IFT52: variants seen among roughly 807,000 people sequenced by gnomAD.
The protein encoded by IFT52 is intraflagellar transport 52, also known as intraflagellar transport protein 52 homolog.
IFT52 carries 44 observed loss-of-function variants against 54.4 expected under a neutral mutation model. The observed-to-expected ratio is 0.81, with a 90% CI of 0.63 to 1.04. IFT52 has a LOEUF of 1.04. IFT52 is among the 50% of genes least tolerant of loss of function. IFT52 has a pLI of 0.00. For synonymous variants in IFT52, 181 were observed against 185.3 expected (o/e 0.98, Z 0.19); for missense variants, 452 against 523.6 (o/e 0.86, Z 1.33).
At chr20:43,638,140 A>G (rs1460865988) in intron 12 of IFT52, among the ~76,000 whole-genome samples, 1 of 151,788 alleles carries the variant, frequency 6.6e-6, no homozygotes, top group Non-Finnish European at 1.5e-5. Context: ...AAAATTAACC[A>G]TCCACTTTGA....
intron 9 of IFT52, 92 bp downstream of exon 9, chr20:43,621,017 C>G: frequency 1.2e-6 from 1 of 866,594 alleles, no homozygotes; most frequent in Non-Finnish European, 1.9e-6. Flanking sequence ...ACATGACTGT[C>G]TTAACTCATC....
At chr20:43,606,160 G>C (rs1292652274) in intron 6 of IFT52, among the ~76,000 whole-genome samples, 1 of 151,416 alleles carries the variant, frequency 6.6e-6, no homozygotes, top group African/African-American at 2.4e-5. Flanking sequence ...GGTGGAGGTT[G>C]CATTGAGCTG....
At chr20:43,623,864 T>C in intron 9 of IFT52, 27 bp from the exon 10 acceptor site, 1 of 1,611,250 alleles carries the variant, frequency 6.2e-7, no homozygotes. Context: ...CTTGCTGTGC[T>C]AAAAGGAACC....
intron 6 of IFT52, among the ~76,000 whole-genome samples, chr20:43,607,823 C>G (rs1320461463): frequency 6.6e-6 from 1 of 152,072 alleles, no homozygotes; most frequent in Non-Finnish European, 1.5e-5. Context: ...TGTAGCGAGC[C>G]GAGATCACGC....
chr20:43,630,592 T>G (rs1189393217), intron 10 of IFT52, among the ~76,000 whole-genome samples: 1 of 152,206 alleles, frequency 6.6e-6, no homozygotes, highest in Non-Finnish European at 1.5e-5. Flanking sequence ...AGTAATTTCA[T>G]TTGTCCATTG....
chr20:43,602,139 TTTA>T (rs1555801598), intron 3 of IFT52, among the ~76,000 whole-genome samples: 370 of 8,326 alleles, frequency 0.044, 3 homozygotes, highest in Non-Finnish European at 0.07. Flanking sequence ...TGAGCTGATT[TTTA>T]TTTTATTTAT....
intron 11 of IFT52, among the ~76,000 whole-genome samples, chr20:43,636,430 A>G (rs1277145271): frequency 2.0e-5 from 3 of 152,210 alleles, no homozygotes; most frequent in African/African-American, 7.2e-5. Context: ...TCAGTCCAAC[A>G]TTCAACTTGC....
rs1982638251 is a variant in IFT52 at position 43,603,797 on chromosome 20, A to G, written c.245A>G (p.Asp82Gly). 1.2e-6 allele frequency: 2 copies of G among 1,611,064 alleles called. No homozygotes were observed. Among genetic ancestry groups the G allele is most frequent in the Non-Finnish European group, 1.7e-6 (2 of 1,178,318 alleles). The change falls in exon 4 of 14, where the codon GAT becomes GGT. Residue 82 changes from aspartate (D) to glycine (G), a missense_variant. By Grantham distance (94) the Asp-to-Gly change is moderately conservative. Transcript: ENST00000373030. The part of the protein sequence containing the change: ...ILKKYLDTGG[D>G]VFVMLGEGGE... ...AAGAAATATCTTGACACTGGTGGAGATGTCTTTGTGATGCTAGGAGAAGGT... is the reference window on the plus strand; with the variant it reads ...AAGAAATATCTTGACACTGGTGGAGGTGTCTTTGTGATGCTAGGAGAAGGT...
intron 1 of IFT52, among the ~76,000 whole-genome samples, 197 bp from the exon 2 acceptor site, chr20:43,594,496 G>A (rs1418366725): frequency 6.6e-6 from 1 of 152,058 alleles, no homozygotes; most frequent in South Asian, 2.1e-4. Context: ...GGAGGGCTGG[G>A]TTGGTTTTGG....
chr20:43,609,762 C>T (rs1469163162), intron 6 of IFT52, among the ~76,000 whole-genome samples: 1 of 106,504 alleles, frequency 9.4e-6, no homozygotes, highest in Non-Finnish European at 1.8e-5. Flanking sequence ...GCAACAGGAG[C>T]GAAACTCCGT....
intron 1 of IFT52, among the ~76,000 whole-genome samples, chr20:43,594,110 C>T (rs1462203964): frequency 6.6e-6 from 1 of 152,016 alleles, no homozygotes; most frequent in East Asian, 1.9e-4. Context: ...GAGTTTGAGA[C>T]CAGCCTGACC....
chr20:43,612,161 T>C (rs1983503414), intron 6 of IFT52, among the ~76,000 whole-genome samples: 1 of 152,164 alleles, frequency 6.6e-6, no homozygotes, highest in African/African-American at 2.4e-5. Context: ...TAGATGTGCA[T>C]TGACCTCCAT....
At chr20:43,636,380 A>T (rs1256226200) in intron 11 of IFT52, among the ~76,000 whole-genome samples, 1 of 152,218 alleles carries the variant, frequency 6.6e-6, no homozygotes, top group Non-Finnish European at 1.5e-5. Context: ...CCCAGGGGAT[A>T]GTTATGGTCA....
chr20:43,636,138 C>T lies in IFT52; in HGVS notation c.1011+125C>T. On this transcript the variant is annotated intron_variant, in intron 11 of 13. Transcript: ENST00000373030. ...GCACTCCTTGTGGAGTCATAGTGCT[C>T]TGTCTCTAAACATGCATGGACACCA... The T allele has an allele frequency of 4.8e-6, 4 of 832,118 alleles. No individual in the cohort carries two copies. In the Admixed American group the frequency reaches 8.8e-5, roughly 18 times the overall value. The allele number at this position is 832,118 out of a possible 1,614,324, so 51.5% of individuals were successfully genotyped here. A position where few individuals can be genotyped will look rare whatever the true frequency, so the allele number is the denominator to read the frequency against.
intron 8 of IFT52, among the ~76,000 whole-genome samples, chr20:43,619,788 C>A (rs950643068): frequency 4.6e-5 from 7 of 151,844 alleles, no homozygotes; most frequent in African/African-American, 1.7e-4. Context: ...TTGGTGATTC[C>A]AGTGAGAGAA....
In IFT52 at chr20:43,637,210, G is replaced by T. The variant is rs772210633; in HGVS notation, c.1077G>T (p.Thr359=). The T allele has an allele frequency of 1.2e-6, 2 of 1,602,826 alleles. No homozygotes were observed. Among genetic ancestry groups the T allele is most frequent in the Middle Eastern group, 1.7e-4 (1 of 6,006 alleles). The part of the protein sequence containing the change: ...PPLELFDLDE[T]FSSEKARLAQ... Reference sequence around the variant, plus strand: ...TGGAGCTATTTGATTTAGATGAAACGTTCTCCTCTGAGAAGGCACGGCTGG... The same window carrying T: ...TGGAGCTATTTGATTTAGATGAAACTTTCTCCTCTGAGAAGGCACGGCTGG... Residue 359 remains threonine (T), a synonymous_variant, in exon 12 of 14, where the codon ACG becomes ACT. Transcript: ENST00000373030.
At chr20:43,613,240 CG>C (rs1271939616) in intron 6 of IFT52, among the ~76,000 whole-genome samples, 1 of 152,130 alleles carries the variant, frequency 6.6e-6, no homozygotes, top group African/African-American at 2.4e-5. Context: ...GGAAGAAGAA[CG>C]TATTTACCAG....
chr20:43,597,889 T>TC (rs1331627789), intron 3 of IFT52, among the ~76,000 whole-genome samples: 1 of 24,174 alleles, frequency 4.1e-5, no homozygotes, highest in Non-Finnish European at 8.8e-5. Context: ...TGAGACTCTT[T>TC]CAAAAAAAAA....
At position 43,592,161 on chromosome 20, in the gene IFT52, C is replaced by T. The variant is rs541008446; in HGVS notation, c.-7+1107C>T. Among the ~76,000 whole-genome samples, 42 of 152,162 alleles carry T rather than the reference C, an allele frequency of 2.8e-4. No homozygotes were observed. The South Asian group carries it at 8.5e-3, about 31-fold the overall frequency. On this transcript the variant is annotated intron_variant, in intron 1 of 13. Transcript: ENST00000373030. ...CTTGAGGTCAGGAGTTCCAGACCAG[C>T]CTGGCCAACCTGGTGAAACACCGTC...
Sources: allele counts gnomAD v4.1 joint callset (sites outside exome capture counted in the v4.1 genomes callset), GRCh38; gene constraint gnomAD v4.1.1; transcripts MANE v1.5; gene names NCBI Gene and HGNC (gene_info 2026-07-23, HGNC 2026-07-21).